MCOLN2: variants seen among roughly 807,000 people sequenced by gnomAD.
MCOLN2 encodes mucolipin-2.
Under a neutral mutation model 67.5 loss-of-function variants are expected in MCOLN2, and 57 were observed. The observed-to-expected ratio is 0.84, with a 90% CI of 0.68 to 1.05. The LOEUF (loss-of-function observed/expected upper bound fraction) is 1.05. Among genes scored for constraint, MCOLN2 ranks in the 50% least tolerant of loss-of-function variants. The pLI is 0.00. For missense variants in MCOLN2, 620 were observed against 678.8 expected (o/e 0.91, Z 0.96); for synonymous variants, 246 against 233.3 (o/e 1.05, Z -0.50).
In MCOLN2 at chr1:84,937,824, A is replaced by C. The variant is rs1276986145; in HGVS notation, c.1266T>G (p.Ala422=). 1.2e-6 allele frequency: 2 copies of C among 1,614,228 alleles called. No individual in the cohort carries two copies. The highest frequency in any genetic ancestry group is 1.7e-6 in the Non-Finnish European group (2 of 1,180,034). The change falls in exon 11 of 14, where the codon GCT becomes GCG. Residue 422 remains alanine, a synonymous_variant. Coordinates refer to ENST00000370608, the MANE Select transcript of MCOLN2 (RefSeq NM_153259.4). ...ASLPKVLRFC[A]CAGMIYLGYT... is the part of the protein sequence containing the mutation. ...AACCCAGATAAATCATACCAGCACA[A>C]GCACAAAACCGAAGAACTTTTGGCA...
At chr1:84,985,977 AT>A (rs1254702122) in intron 1 of MCOLN2, among the ~76,000 whole-genome samples, 1 of 152,224 alleles carries the variant, frequency 6.6e-6, no homozygotes, top group East Asian at 1.9e-4. Flanking sequence ...AAGAGCCTGC[AT>A]AGCTGAAGCA....
At position 84,926,572 on chromosome 1, in the gene MCOLN2, C is replaced by T. The variant is rs908715944; in HGVS notation, c.*113G>A. 8 of 680,734 alleles carry T rather than the reference C, an allele frequency of 1.2e-5. No individual in the cohort carries two copies. Among genetic ancestry groups the T allele is most frequent in the Non-Finnish European group, 1.9e-5 (8 of 421,106 alleles). 42.2% of individuals were successfully genotyped at this position (680,734 alleles called of 1,614,324 possible). ...GGCTAACTGTGAGTCCTCTTTCCCA[C>T]TCCACAATTAAATAAGAGAGTCATT... On this transcript the variant is annotated 3_prime_UTR_variant, in exon 14 of 14. Coordinates refer to ENST00000370608, the MANE Select transcript of MCOLN2 (RefSeq NM_153259.4).
chr1:84,984,525 C>T (rs1374427150), intron 1 of MCOLN2, among the ~76,000 whole-genome samples: 2 of 152,224 alleles, frequency 1.3e-5, no homozygotes, highest in Non-Finnish European at 2.9e-5. Flanking sequence ...ATGTCTGCTT[C>T]TTTCTTTACT....
At chr1:84,960,841 T>C (rs1037814987) in intron 2 of MCOLN2, among the ~76,000 whole-genome samples, 1 of 152,146 alleles carries the variant, frequency 6.6e-6, no homozygotes, top group Non-Finnish European at 1.5e-5. Flanking sequence ...TCAATCAAAG[T>C]TTGCTGAGTG....
chr1:84,991,165 T>G (rs1650872619), intron 1 of MCOLN2, among the ~76,000 whole-genome samples: 1 of 152,150 alleles, frequency 6.6e-6, no homozygotes. Flanking sequence ...AGAAAGAGTC[T>G]GGTATGTATC....
chr1:84,982,413 AG>A (rs1258597894), intron 1 of MCOLN2, among the ~76,000 whole-genome samples: 1 of 152,238 alleles, frequency 6.6e-6, no homozygotes, highest in Non-Finnish European at 1.5e-5. Flanking sequence ...CTAGGATTAC[AG>A]GCAATGAGCC....
chr1:84,941,018 T>C (rs1195407047), intron 7 of MCOLN2, 27 bp from the exon 8 acceptor site: 1 of 1,414,018 alleles, frequency 7.1e-7, no homozygotes, highest in Admixed American at 1.7e-5. Flanking sequence ...AATTCAAATG[T>C]TAAACACACC....
At chr1:84,996,742 T>C (rs1478329025) in intron 1 of MCOLN2, 54 bp downstream of exon 1, 3 of 1,519,994 alleles carry the variant, frequency 2.0e-6, no homozygotes, top group African/African-American at 2.8e-5. Context: ...GCCATCGACT[T>C]TAGGAAGATT....
At chr1:84,927,044 G>GA (rs1661196450) in intron 13 of MCOLN2, among the ~76,000 whole-genome samples, 1 of 151,870 alleles carries the variant, frequency 6.6e-6, no homozygotes, top group Non-Finnish European at 1.5e-5. Context: ...AAATGTTGGG[G>GA]GGTAGGGGGA....
At chr1:84,965,490 T>C (rs1341210017) in intron 2 of MCOLN2, 59 bp downstream of exon 2, 2 of 1,561,118 alleles carry the variant, frequency 1.3e-6, no homozygotes, top group African/African-American at 1.4e-5. Flanking sequence ...ACAGAACACA[T>C]GAAAAGAGTT....
At chr1:84,946,505 T>G (rs1220377254) in intron 7 of MCOLN2, among the ~76,000 whole-genome samples, 24 of 152,184 alleles carry the variant, frequency 1.6e-4, no homozygotes, top group Admixed American at 1.6e-3. Flanking sequence ...TATTTCAGAT[T>G]TCTTTTGATT....
intron 7 of MCOLN2, among the ~76,000 whole-genome samples, chr1:84,944,801 C>T (rs568274386): frequency 2.0e-5 from 3 of 152,188 alleles, no homozygotes; most frequent in South Asian, 2.1e-4. Context: ...TGGGGGTAAG[C>T]GTGTGGGTGT....
intron 1 of MCOLN2, among the ~76,000 whole-genome samples, chr1:84,969,693 G>T (rs1305836377): frequency 2.7e-5 from 4 of 148,722 alleles, no homozygotes; most frequent in Admixed American, 6.8e-5. Flanking sequence ...GACTCAACTT[G>T]ACCAACTTAA....
Position 84,958,307 on chromosome 1 carries a change from G to A in MCOLN2, c.411+222C>T, listed in dbSNP as rs532666992. Among the ~76,000 whole-genome samples the A allele has an allele frequency of 1.6e-4, 25 of 152,306 alleles. No individual in the cohort carries two copies. In the South Asian group the frequency reaches 3.3e-3, roughly 20 times the overall value. On this transcript the variant is annotated intron_variant, in intron 3 of 13. Coordinates refer to ENST00000370608, the MANE Select transcript of MCOLN2 (RefSeq NM_153259.4). ...GTAATTTTCCAAAAGCAGTAGGTAT[G>A]AAGTGATAAATTAAAAAGATAAATA...
chr1:84,967,515 C>T (rs374461782), intron 1 of MCOLN2, among the ~76,000 whole-genome samples: 4 of 152,184 alleles, frequency 2.6e-5, no homozygotes, highest in African/African-American at 9.6e-5. Context: ...CCTTGACTGA[C>T]GAATCTAAAA....
chr1:84,989,517 A>C (rs1424196998), intron 1 of MCOLN2, among the ~76,000 whole-genome samples: 1 of 152,132 alleles, frequency 6.6e-6, no homozygotes, highest in African/African-American at 2.4e-5. Context: ...TTTGCTATCC[A>C]TTTGGGAAAG....
chr1:84,928,041 A>G (rs549248709), intron 13 of MCOLN2, among the ~76,000 whole-genome samples: 1 of 151,476 alleles, frequency 6.6e-6, no homozygotes, highest in Non-Finnish European at 1.5e-5. Context: ...CCCTTCATTC[A>G]CTCTGCAGGG....
chr1:84,952,413 C>T, intron 5 of MCOLN2, 33 bp downstream of exon 5: 3 of 1,568,450 alleles, frequency 1.9e-6, no homozygotes, highest in Non-Finnish European at 2.6e-6. Context: ...CCACCCTCAT[C>T]TCTTAGGGAA....
rs537237353 is a variant in MCOLN2 at position 84,947,379 on chromosome 1, G to T, written c.748-247C>A. ...CTATATTTTGACTGAAATCACTAAA[G>T]AAGTACACTGGAGAGCACCAGGGTA... On this transcript the variant is annotated intron_variant, in intron 6 of 13. Transcript: ENST00000370608. Among the ~76,000 whole-genome samples, 38 of 152,046 alleles carry T rather than the reference G, an allele frequency of 2.5e-4. 1 individual carries two copies. The South Asian group carries it at 7.7e-3, about 31-fold the overall frequency.
Sources: allele counts gnomAD v4.1 joint callset (sites outside exome capture counted in the v4.1 genomes callset), GRCh38; gene constraint gnomAD v4.1.1; transcripts MANE v1.5; gene names NCBI Gene and HGNC (gene_info 2026-07-23, HGNC 2026-07-21).